Variants in DIP2A observed in about 807,000 individuals in gnomAD.
DIP2A encodes disco-interacting protein 2 homolog A.
Under a neutral mutation model 177.4 loss-of-function variants are expected in DIP2A, and 85 were observed. The ratio of observed to expected loss-of-function variants is 0.48; its 90% CI spans 0.40 to 0.57. DIP2A has a LOEUF of 0.57. DIP2A is among the 20% of genes least tolerant of loss of function. The pLI is 0.00. For missense variants in DIP2A, 1,791 were observed against 2,100.2 expected (o/e 0.85, Z 2.88); for synonymous variants, 886 against 881.8 (o/e 1.00, Z -0.08).
At chr21:46,547,890 G>A (rs112292572) in intron 21 of DIP2A, among the ~76,000 whole-genome samples, 29 of 151,842 alleles carry the variant, frequency 1.9e-4, no homozygotes, top group Middle Eastern at 3.4e-3. Flanking sequence ...AGCTGCTCTC[G>A]AACTCCTGGG....
At chr21:46,550,029 A>G in intron 22 of DIP2A, 144 bp downstream of exon 22, 1 of 1,482,756 alleles carries the variant, frequency 6.7e-7, no homozygotes, top group Non-Finnish European at 8.9e-7. Flanking sequence ...TTGCAAATTG[A>G]CAAATTACAG....
intron 3 of DIP2A, among the ~76,000 whole-genome samples, chr21:46,492,860 G>A (rs2057095330): frequency 6.6e-6 from 1 of 151,812 alleles, no homozygotes; most frequent in Admixed American, 6.6e-5. Context: ...AGAATCGCTT[G>A]AACCGGTAGG....
At chr21:46,481,035 G>C (rs2056309461) in intron 1 of DIP2A, among the ~76,000 whole-genome samples, 1 of 152,166 alleles carries the variant, frequency 6.6e-6, no homozygotes. Flanking sequence ...CTCCAGCCTA[G>C]GTGGCAGAGC....
At chr21:46,571,548 A>G (rs1231865994), downstream of DIP2A, among the ~76,000 whole-genome samples, 3 of 152,070 alleles carry the variant, frequency 2.0e-5, no homozygotes, top group Non-Finnish European at 4.4e-5. Context: ...ATGTTTTTCC[A>G]TTTGTTTGCA....
At chr21:46,475,187 C>T (rs1859018089) in intron 1 of DIP2A, among the ~76,000 whole-genome samples, 1 of 152,172 alleles carries the variant, frequency 6.6e-6, no homozygotes, top group African/African-American at 2.4e-5. Flanking sequence ...AGTTGCAAGG[C>T]TAGTCTAAGT....
intron 1 of DIP2A, among the ~76,000 whole-genome samples, chr21:46,467,528 G>A (rs2054945910): frequency 6.6e-6 from 1 of 151,998 alleles, no homozygotes; most frequent in Non-Finnish European, 1.5e-5. Flanking sequence ...AGACATGGAT[G>A]TCATCATCTA....
Position 46,497,020 on chromosome 21 carries a change from G to A in DIP2A, c.316G>A (p.Ala106Thr), listed in dbSNP as rs2057395627. 3 of 1,613,618 alleles carry A rather than the reference G, an allele frequency of 1.9e-6. No individual in the cohort carries two copies. Among genetic ancestry groups the A allele is most frequent in the Non-Finnish European group, 2.5e-6 (3 of 1,179,742 alleles). ...CACTGAAGCCGTGCAAGCAGCTTTG[G>A]CCAAATACAAAGAGAGGAAGATGCC... ...VHTEAVQAAL[A>T]KYKERKMPMP... Residue 106 changes from alanine to threonine, a missense_variant, in exon 4 of 38, where the codon GCC (alanine) becomes ACC (threonine). Ala to Thr is a moderately conservative substitution (Grantham distance 58). Coordinates refer to ENST00000417564, the MANE Select transcript of DIP2A (RefSeq NM_015151.4).
intron 32 of DIP2A, 37 bp downstream of exon 32, chr21:46,558,430 TG>T (rs2060548999): frequency 1.4e-5 from 21 of 1,548,624 alleles, no homozygotes; most frequent in Non-Finnish European, 1.7e-5. Flanking sequence ...GAAAGCTGGC[TG>T]TTGGCAGCAT....
rs2058310110 is a variant in DIP2A at position 46,511,485 on chromosome 21, C to T, written c.973C>T (p.Leu325Phe). 1 of 1,613,212 alleles carries T rather than the reference C, an allele frequency of 6.2e-7. No individual in the cohort carries two copies. Among genetic ancestry groups the T allele is most frequent in the Non-Finnish European group, 8.5e-7 (1 of 1,179,656 alleles). ...GACGAGTGTGCTGAGAGGGGAGCCT[C>T]TCACTGCAGGTGTCCCCCGACCGCC... Reference protein sequence around the residue: ...SETSVLRGEPLTAGVPRPPSL... With the variant: ...SETSVLRGEPFTAGVPRPPSL... Residue 325 changes from leucine (L) to phenylalanine (F), a missense_variant, in exon 8 of 38, where the codon CTC becomes TTC. Transcript: ENST00000417564.
intron 8 of DIP2A, among the ~76,000 whole-genome samples, chr21:46,524,872 C>CTTTTTTTTTTTTTTTTTTTTT (rs3061062): frequency 3.2e-5 from 2 of 63,394 alleles, no homozygotes; most frequent in Non-Finnish European, 5.7e-5. Context: ...TTGCTTTTTG[C>CTTTTTTTTTTTTTTTTTTTTT]TTTTTTTTTT....
chr21:46,536,071 A>G (rs1452259468), intron 13 of DIP2A, among the ~76,000 whole-genome samples: 1 of 152,232 alleles, frequency 6.6e-6, no homozygotes, highest in African/African-American at 2.4e-5. Flanking sequence ...GCAGCCTGGC[A>G]ACGTAATAAG....
intron 37 of DIP2A, 32 bp downstream of exon 37, chr21:46,566,715 G>T (rs774984609): frequency 6.2e-6 from 10 of 1,613,480 alleles, no homozygotes; most frequent in Non-Finnish European, 8.5e-6. Flanking sequence ...GGCTTCACGT[G>T]GTCCCTCCAG....
At chr21:46,533,934 G>A (rs906162516) in intron 11 of DIP2A, 70 bp from the exon 12 acceptor site, 15 of 1,316,590 alleles carry the variant, frequency 1.1e-5, no homozygotes, top group Middle Eastern at 1.8e-4. Flanking sequence ...TGTTGGAGGC[G>A]CAGGCTTCGA....
intron 34 of DIP2A, among the ~76,000 whole-genome samples, chr21:46,562,610 C>G (rs572440535): frequency 6.6e-6 from 1 of 152,296 alleles, no homozygotes; most frequent in Non-Finnish European, 1.5e-5. Context: ...GAAGGCACAG[C>G]TGCTGTGAGG....
At chr21:46,575,720 C>T in the DIP2A span, among the ~76,000 whole-genome samples, 2 of 151,972 alleles carry the variant, frequency 1.3e-5, no homozygotes, top group Non-Finnish European at 2.9e-5. Context: ...ATGAAAAGTA[C>T]AAAACATTGA....
chr21:46,546,894 G>C (rs374638632), intron 20 of DIP2A, 21 bp from the exon 21 acceptor site: 1 of 1,612,814 alleles, frequency 6.2e-7, no homozygotes, highest in Non-Finnish European at 8.5e-7. Flanking sequence ...GTGGAGTCTT[G>C]ACGCACACCC....
intron 8 of DIP2A, chr21:46,525,517 G>T (rs2059037439): frequency 6.6e-6 from 1 of 152,086 alleles, no homozygotes; most frequent in Admixed American, 6.6e-5. Context: ...TTCTATCTTT[G>T]TGCCTATACC....
At chr21:46,573,543 C>G (rs1227932176), downstream of DIP2A, among the ~76,000 whole-genome samples, 1 of 146,826 alleles carries the variant, frequency 6.8e-6, no homozygotes, top group Admixed American at 7.0e-5. Context: ...TCTCAGGAGG[C>G]TGAGGTGGGA....
chr21:46,521,342 C>T (rs1388117449), intron 8 of DIP2A, among the ~76,000 whole-genome samples: 1 of 152,162 alleles, frequency 6.6e-6, no homozygotes, highest in Non-Finnish European at 1.5e-5. Flanking sequence ...GTGTGCACCA[C>T]CATGCCTGGC....
Sources: allele counts gnomAD v4.1 joint callset (sites outside exome capture counted in the v4.1 genomes callset), GRCh38; gene constraint gnomAD v4.1.1; transcripts MANE v1.5; gene names NCBI Gene and HGNC (gene_info 2026-07-23, HGNC 2026-07-21).